The following LMO7 variants were observed in gnomAD, a reference collection of about 807,000 sequenced individuals.
LMO7 encodes LIM domain 7.
LMO7 carries 120 observed loss-of-function variants against 206.5 expected under a neutral mutation model. The observed-to-expected ratio is 0.58, with a 90% CI of 0.50 to 0.68. LMO7 has a LOEUF of 0.68. LMO7 is among the 30% of genes least tolerant of loss of function. LMO7 has a pLI of 0.00. For synonymous variants in LMO7, 706 were observed against 681.5 expected, an observed-to-expected ratio of 1.04 and a Z score of -0.56; for missense variants, 1,959 against 1,957.9, an observed-to-expected ratio of 1.00 and a Z score of -0.01.
At chr13:75,659,409 G>A (rs991170069) in intron 1 of LMO7, among the ~76,000 whole-genome samples, 24 of 152,138 alleles carry the variant, frequency 1.6e-4, no homozygotes, top group African/African-American at 5.6e-4. Flanking sequence ...AAACATACCC[G>A]AGACTGGGAA....
At chr13:75,805,167 C>T (rs530716429) in intron 8 of LMO7, 3 of 1,161,754 alleles carry the variant, frequency 2.6e-6, no homozygotes, top group Admixed American at 4.3e-5. Context: ...AATACTTGTC[C>T]TGGATCTGGC....
chr13:75,733,590 A>G (rs1353786445), intron 3 of LMO7, among the ~76,000 whole-genome samples: 6 of 152,174 alleles, frequency 3.9e-5, no homozygotes, highest in East Asian at 1.9e-4. Flanking sequence ...GAGTGAGGCA[A>G]TGCCTCGCCC....
At chr13:75,778,696 G>A (rs1001249567) in intron 4 of LMO7, among the ~76,000 whole-genome samples, 9 of 152,162 alleles carry the variant, frequency 5.9e-5, no homozygotes, top group Non-Finnish European at 8.8e-5. Context: ...AATTCTAGTT[G>A]GGTAAGGCTA....
chr13:75,735,548 G>A (rs183876602), intron 3 of LMO7, among the ~76,000 whole-genome samples: 4 of 152,210 alleles, frequency 2.6e-5, no homozygotes, highest in East Asian at 1.9e-4. Context: ...TGCAAACTCC[G>A]CCTTCTGGGT....
chr13:75,843,942 A>G (rs2139326831), intron 25 of LMO7, among the ~76,000 whole-genome samples: 1 of 152,352 alleles, frequency 6.6e-6, no homozygotes, highest in African/African-American at 2.4e-5. Flanking sequence ...TGGGCTGACA[A>G]TAAGCTAAAG....
At chr13:75,807,223 C>A in intron 9 of LMO7, 1 of 429,560 alleles carries the variant, frequency 2.3e-6, no homozygotes, top group Non-Finnish European at 4.2e-6. Context: ...CCATCCGTGG[C>A]CTCCATGGTG....
intron 4 of LMO7, among the ~76,000 whole-genome samples, chr13:75,793,205 C>T (rs559276094): frequency 6.6e-6 from 1 of 152,296 alleles, no homozygotes; most frequent in East Asian, 1.9e-4. Flanking sequence ...TGCAACTCTG[C>T]TGTTTTTTGT....
In LMO7 at chr13:75,855,309, A is replaced by T. The variant is rs371138092; in HGVS notation, c.4711A>T (p.Lys1571Ter). ...CTCCTACTGCAATAACATTCTGGGC[A>T]AAGGAGCCGCCATGATCATCGAGTC... is the stretch of plus-strand genomic sequence containing the variant. Reference protein sequence around the residue: ...ICSYCNNILGKGAAMIIESLG... With the variant: ...ICSYCNNILG Residue 1571 changes from lysine (K) to a stop codon, truncating the protein, a stop_gained, in exon 29 of 31, where the codon AAA becomes TAA. Transcript: ENST00000377534. LOFTEE classifies it high-confidence loss of function. The T allele has an allele frequency of 6.2e-7, 1 of 1,613,950 alleles. No individual in the cohort carries two copies. The highest frequency in any genetic ancestry group is 1.3e-5 in the African/African-American group (1 of 74,954).
At chr13:75,676,323 T>C (rs1594213154) in intron 1 of LMO7, among the ~76,000 whole-genome samples, 3 of 152,336 alleles carry the variant, frequency 2.0e-5, no homozygotes, top group South Asian at 4.1e-4. Flanking sequence ...TACTCATTAA[T>C]CTCTATGATT....
intron 1 of LMO7, among the ~76,000 whole-genome samples, chr13:75,650,022 A>G (rs1035011376): frequency 2.0e-5 from 3 of 152,170 alleles, no homozygotes; most frequent in African/African-American, 7.2e-5. Context: ...TTTTTTGTAG[A>G]GATGGGGTTT....
intron 1 of LMO7, among the ~76,000 whole-genome samples, chr13:75,707,880 A>G (rs2042780353): frequency 6.6e-6 from 1 of 151,116 alleles, no homozygotes; most frequent in Non-Finnish European, 1.5e-5. Flanking sequence ...AGACCCCCTC[A>G]TATATCTACA....
chr13:75,847,615 A>G lies in LMO7; in HGVS notation c.4151-1464A>G, dbSNP rs138409976. Among the ~76,000 whole-genome samples, 540 of 152,278 alleles carry G rather than the reference A, an allele frequency of 3.5e-3. 5 individuals are homozygous for G. The highest frequency in any genetic ancestry group is 0.012 in the African/African-American group (508 of 41,552). Reference sequence around the variant, plus strand: ...AGGGAGAGTATATATTTTTTGAGAGAAGAAAACTCCCTGTTTCCTTTTAGA... The same window carrying G: ...AGGGAGAGTATATATTTTTTGAGAGGAGAAAACTCCCTGTTTCCTTTTAGA... On this transcript the variant is annotated intron_variant, in intron 26 of 30. Coordinates refer to ENST00000377534, the MANE Select transcript of LMO7 (RefSeq NM_001306080.2).
intron 1 of LMO7, among the ~76,000 whole-genome samples, chr13:75,708,007 ATAAC>A (rs1418023653): frequency 2.6e-5 from 4 of 152,174 alleles, no homozygotes; most frequent in South Asian, 2.1e-4. Flanking sequence ...TATTCTAAAT[ATAAC>A]TAACTCAGCC....
intron 1 of LMO7, among the ~76,000 whole-genome samples, chr13:75,672,738 C>T (rs1010942409): frequency 4.7e-4 from 71 of 152,188 alleles, no homozygotes; most frequent in Admixed American, 1.0e-3. Flanking sequence ...TTACCCCATT[C>T]TTGTTCTGTC....
At chr13:75,755,278 C>G (rs983448245) in intron 3 of LMO7, among the ~76,000 whole-genome samples, 4 of 152,080 alleles carry the variant, frequency 2.6e-5, no homozygotes, top group African/African-American at 9.7e-5. Context: ...ATTTGATTTT[C>G]AAATTCTTTG....
At chr13:75,839,611 C>A (rs928558461) in intron 20 of LMO7, 2 of 153,452 alleles carry the variant, frequency 1.3e-5, no homozygotes, top group African/African-American at 4.8e-5. Context: ...TGGTGACTTG[C>A]TTACGAAAGT....
chr13:75,728,442 A>G (rs1392853647), intron 3 of LMO7, among the ~76,000 whole-genome samples: 1 of 150,200 alleles, frequency 6.7e-6, no homozygotes, highest in Non-Finnish European at 1.5e-5. Flanking sequence ...GTGTCTGTCC[A>G]TGTCCTTCGC....
chr13:75,646,698 C>T (rs2037052592), intron 1 of LMO7, among the ~76,000 whole-genome samples: 1 of 152,152 alleles, frequency 6.6e-6, no homozygotes, highest in Admixed American at 6.5e-5. Flanking sequence ...ATTCTCCTGC[C>T]TCAGCCTCCC....
Position 75,841,640 on chromosome 13 carries a change from C to T in LMO7, c.3688C>T (p.Leu1230=), listed in dbSNP as rs759605390. 2.5e-6 allele frequency: 4 copies of T among 1,611,218 alleles called. No homozygotes were observed. Among genetic ancestry groups the T allele is most frequent in the African/African-American group, 2.7e-5 (2 of 74,678 alleles). ...ACTGGTCACCTAGGAACTGATGGTC[C>T]TAAGCTCAAACAGCATGTCTCTGAC... ...SKYLDEELMV[L]SSNSMSLTTR... Residue 1230 remains leucine (L), a synonymous_variant, in exon 24 of 31, where the codon CTA becomes TTA. Transcript: ENST00000377534.
Sources: gnomAD v4.1 joint callset for allele counts (sites outside exome capture counted in the v4.1 genomes callset) on GRCh38, gnomAD v4.1.1 for gene constraint, MANE v1.5 for transcripts, NCBI Gene and HGNC (gene_info 2026-07-23, HGNC 2026-07-21) for gene names.